Variants in PPP2R5C observed in about 807,000 individuals in gnomAD.
The protein encoded by PPP2R5C is serine/threonine-protein phosphatase 2A 56 kDa regulatory subunit gamma isoform.
In PPP2R5C, 7 loss-of-function variants were observed where a neutral mutation model predicts 68.9. The ratio of observed to expected loss-of-function variants is 0.10; its 90% CI spans 0.06 to 0.19. PPP2R5C has a LOEUF of 0.19. PPP2R5C is among the 10% of genes least tolerant of loss of function. PPP2R5C has a pLI of 1.00. For synonymous variants in PPP2R5C, 210 were observed against 222.2 expected, an observed-to-expected ratio of 0.95 and a Z score of 0.49; for missense variants, 348 against 641.3, an observed-to-expected ratio of 0.54 and a Z score of 4.94.
intron 2 of PPP2R5C, among the ~76,000 whole-genome samples, chr14:101,858,475 G>C (rs1318074756): frequency 6.6e-6 from 1 of 151,544 alleles, no homozygotes; most frequent in African/African-American, 2.4e-5. Flanking sequence ...TTTGTGTTAG[G>C]AGCATTCCAG....
intron 1 of PPP2R5C, among the ~76,000 whole-genome samples, chr14:101,848,281 C>T (rs2041958514): frequency 6.6e-6 from 1 of 151,984 alleles, no homozygotes; most frequent in Non-Finnish European, 1.5e-5. Flanking sequence ...ACCTGTAATC[C>T]CAGCACTTTG....
At chr14:101,779,617 T>C (rs2037578244) in intron 2 of PPP2R5C, among the ~76,000 whole-genome samples, 1 of 151,878 alleles carries the variant, frequency 6.6e-6, no homozygotes, top group African/African-American at 2.4e-5. Flanking sequence ...CTCCCATACA[T>C]TGAGAGATGA....
chr14:101,903,354 G>A (rs979018501), intron 9 of PPP2R5C, among the ~76,000 whole-genome samples: 2 of 152,236 alleles, frequency 1.3e-5, no homozygotes, highest in Admixed American at 1.3e-4. Context: ...AAGTCCAGGT[G>A]GGGAAAGCAG....
chr14:101,896,442 A>G (rs2045330242), intron 8 of PPP2R5C, among the ~76,000 whole-genome samples: 1 of 151,938 alleles, frequency 6.6e-6, no homozygotes, highest in Non-Finnish European at 1.5e-5. Context: ...CAAAATCTGT[A>G]TATCTTCTTG....
At chr14:101,898,239 A>G (rs192376192) in intron 8 of PPP2R5C, among the ~76,000 whole-genome samples, 7 of 152,306 alleles carry the variant, frequency 4.6e-5, no homozygotes, top group Admixed American at 4.6e-4. Context: ...TTTTTCTTTC[A>G]TGAATTTTCT....
chr14:101,831,695 A>G (rs758843870), intron 1 of PPP2R5C: 150 of 692,618 alleles, frequency 2.2e-4, no homozygotes, highest in Non-Finnish European at 3.1e-4. Flanking sequence ...TTTCAACCAA[A>G]TGCAGATTGC....
At chr14:101,925,486 G>A (rs2047251771) in exon 14 of PPP2R5C, 2 of 766,042 alleles carry the variant, frequency 2.6e-6, no homozygotes, top group South Asian at 2.2e-5. Flanking sequence ...GTTGACGACG[G>A]TGTCCTCGCA....
chr14:101,903,823 G>T (rs972039446), intron 9 of PPP2R5C, among the ~76,000 whole-genome samples: 1 of 151,456 alleles, frequency 6.6e-6, no homozygotes, highest in South Asian at 2.1e-4. Flanking sequence ...TTACAGGTGC[G>T]TGCCACCACA....
chr14:101,824,280 G>A lies in PPP2R5C; in HGVS notation c.94+14244G>A, dbSNP rs900859718. 15 of 978,216 alleles carry A rather than the reference G, an allele frequency of 1.5e-5. No individual in the cohort carries two copies. In the East Asian group the frequency reaches 3.1e-4, roughly 20 times the overall value. 60.6% of individuals were successfully genotyped at this position (978,216 alleles called of 1,614,324 possible). On this transcript the variant is annotated intron_variant, in intron 1 of 13. Coordinates refer to ENST00000334743, the Ensembl canonical transcript of PPP2R5C. ...TAATGATATAGCATGAAGTTCTTGC[G>A]GGGTAGGAGAGAGAGGTATTCATCT...
At chr14:101,796,154 A>G (rs760438323) in intron 3 of PPP2R5C, among the ~76,000 whole-genome samples, 2 of 152,172 alleles carry the variant, frequency 1.3e-5, no homozygotes, top group Non-Finnish European at 2.9e-5. Context: ...AAGCTTTACC[A>G]TAAAAGTAGA....
chr14:101,791,322 G>A (rs2038355648), intron 3 of PPP2R5C, among the ~76,000 whole-genome samples: 1 of 152,130 alleles, frequency 6.6e-6, no homozygotes, highest in South Asian at 2.1e-4. Flanking sequence ...TCATATGCCT[G>A]TTAGCCATTT....
chr14:101,779,932 A>G (rs2037594545), intron 2 of PPP2R5C, among the ~76,000 whole-genome samples: 1 of 152,060 alleles, frequency 6.6e-6, no homozygotes, highest in Non-Finnish European at 1.5e-5. Flanking sequence ...CATTTGGACT[A>G]TTTTCACATA....
intron 10 of PPP2R5C, among the ~76,000 whole-genome samples, chr14:101,908,177 A>G (rs1344689283): frequency 6.6e-6 from 1 of 152,192 alleles, no homozygotes; most frequent in African/African-American, 2.4e-5. Flanking sequence ...AGATAAAGTT[A>G]ATATGCGTAA....
rs569296602 is a variant in PPP2R5C at position 101,916,978 on chromosome 14, C to T, written c.1327-853C>T. On this transcript the variant is annotated intron_variant, in intron 12 of 13. Transcript: ENST00000334743. This position sits in a 1 kb window ranked among gnomAD's most constrained non-coding sequence, Gnocchi z 5.5. ...CACACGACCACGCAGGACAAACAGG[C>T]GCCCCACACAGTTCCCAGCTCACAG... Among the ~76,000 whole-genome samples, 3 of 152,240 alleles carry T rather than the reference C, an allele frequency of 2.0e-5. No homozygotes were observed. Among genetic ancestry groups the T allele is most frequent in the African/African-American group, 7.2e-5 (3 of 41,528 alleles).
At chr14:101,861,283 A>G (rs1476066010) in intron 2 of PPP2R5C, among the ~76,000 whole-genome samples, 1 of 152,162 alleles carries the variant, frequency 6.6e-6, no homozygotes, top group Admixed American at 6.5e-5. Flanking sequence ...GTAGACCCCA[A>G]ATTAGGAAAC....
At position 101,856,664 on chromosome 14, in the gene PPP2R5C, T is replaced by C. The variant is rs1400967378; in HGVS notation, c.95-22T>C. Reference sequence around the variant, plus strand: ...GGGTTAAGCACTTTTGTGATCAATATACTTTGCTTTCTGCTTTTCAGATGT... The same window carrying C: ...GGGTTAAGCACTTTTGTGATCAATACACTTTGCTTTCTGCTTTTCAGATGT... On this transcript the variant is annotated intron_variant, in intron 1 of 13. Transcript: ENST00000334743. 1.9e-6 allele frequency: 3 copies of C among 1,601,482 alleles called. No individual in the cohort carries two copies. The African/African-American group carries it at 4.0e-5, about 21-fold the overall frequency.
Position 101,914,703 on chromosome 14 carries a change from C to G in PPP2R5C, c.1326+2230C>G, listed in dbSNP as rs148690254. 371 of 154,158 alleles carry G rather than the reference C, an allele frequency of 2.4e-3. 2 individuals carry two copies. Among genetic ancestry groups the G allele is most frequent in the African/African-American group, 8.2e-3 (342 of 41,556 alleles). 9.5% of individuals were successfully genotyped at this position (154,158 alleles called of 1,614,324 possible). On this transcript the variant is annotated intron_variant, in intron 12 of 13. Coordinates refer to ENST00000334743, the Ensembl canonical transcript of PPP2R5C. ...GGACCCGGGAAGGCTGCGGTGCCCT[C>G]AGGAGTGTGTCTTATTTGAGCAGTT... is the stretch of plus-strand genomic sequence containing the variant.
At position 101,765,416 on chromosome 14, in the gene PPP2R5C, C is replaced by T. The variant is rs145366317; in HGVS notation, c.93+2446C>T. 9.5e-4 allele frequency: 575 copies of T among 605,244 alleles called. 4 individuals carry two copies. Among genetic ancestry groups the T allele is most frequent in the African/African-American group, 9.0e-3 (488 of 54,188 alleles). 37.5% of individuals were successfully genotyped at this position (605,244 alleles called of 1,614,324 possible). ...CAGCTCACTGCTTCACTTCTAGTTC[C>T]ACCCACTTACCAAATATGATTGACT... On this transcript the variant is annotated intron_variant, in intron 2 of 14. Coordinates refer to the PPP2R5C transcript ENST00000328724.
chr14:101,804,512 TAC>T (rs750290109), intron 3 of PPP2R5C, among the ~76,000 whole-genome samples: 11 of 149,994 alleles, frequency 7.3e-5, no homozygotes, highest in Non-Finnish European at 1.2e-4. Context: ...TATATATATA[TAC>T]ACAATAGAGT....
Sources: allele counts gnomAD v4.1 joint callset (sites outside exome capture counted in the v4.1 genomes callset), GRCh38; gene constraint gnomAD v4.1.1; non-coding constraint Gnocchi (gnomAD v3.1); transcripts MANE v1.5; gene names NCBI Gene and HGNC (gene_info 2026-07-23, HGNC 2026-07-21).